Variants in ADAMTSL1 observed in about 807,000 individuals in gnomAD.
ADAMTSL1 encodes ADAMTS-like protein 1.
In ADAMTSL1, 126 loss-of-function variants were observed where a neutral mutation model predicts 201.8. That is an observed-to-expected ratio of 0.62 (90% CI 0.54 to 0.72). The LOEUF (loss-of-function observed/expected upper bound fraction) is 0.72. Among genes scored for constraint, ADAMTSL1 ranks in the 30% least tolerant of loss-of-function variants. ADAMTSL1 has a pLI of 0.00. For missense variants in ADAMTSL1, 2,679 were observed against 2,277.8 expected (o/e 1.18, Z -3.59); for synonymous variants, 1,121 against 903.4 (o/e 1.24, Z -4.32).
chr9:18,820,721 C>T (rs1298583827), intron 21 of ADAMTSL1, among the ~76,000 whole-genome samples: 1 of 152,202 alleles, frequency 6.6e-6, no homozygotes, highest in African/African-American at 2.4e-5. Flanking sequence ...ACATTCTTCC[C>T]AATCCTGAAG....
chr9:18,178,194 C>T (rs572819440), intron 2 of ADAMTSL1, among the ~76,000 whole-genome samples: 15 of 152,288 alleles, frequency 9.8e-5, no homozygotes, highest in East Asian at 7.7e-4. Context: ...CGAAGCAGGG[C>T]GAGGCATTGC....
At chr9:18,405,421 C>T (rs1417234031) in intron 2 of ADAMTSL1, among the ~76,000 whole-genome samples, 1 of 152,146 alleles carries the variant, frequency 6.6e-6, no homozygotes, top group Admixed American at 6.5e-5. Flanking sequence ...CAGCAGATGG[C>T]AGGGGCACTC....
At chr9:18,577,562 C>T (rs757726391) in intron 4 of ADAMTSL1, among the ~76,000 whole-genome samples, 69 of 152,124 alleles carry the variant, frequency 4.5e-4, no homozygotes, top group Non-Finnish European at 8.4e-4. Context: ...AGATACGCAA[C>T]GTCCCTAAGC....
intron 2 of ADAMTSL1, among the ~76,000 whole-genome samples, chr9:18,358,292 C>G (rs76682637): frequency 0.014 from 2,189 of 152,262 alleles, 46 homozygotes; most frequent in African/African-American, 0.048. Context: ...TAGTTGGAGT[C>G]AATTATTTTT....
In ADAMTSL1 at chr9:18,022,416, C is replaced by G. The variant is rs1300860347; in HGVS notation, c.87+115494C>G. 3.3e-5 allele frequency among the ~76,000 whole-genome samples: 5 copies of G among 152,250 alleles called. No individual in the cohort carries two copies. The East Asian group carries it at 9.7e-4, about 29-fold the overall frequency. ...TGGACACCCCACACTATCTTTGCCT[C>G]TTGCTGCCACAATATCCTCCCTCCT... On this transcript the variant is annotated intron_variant, in intron 1 of 29. Transcript: ENST00000680146.
At chr9:18,533,918 G>A (rs958370726) in intron 3 of ADAMTSL1, among the ~76,000 whole-genome samples, 14 of 152,154 alleles carry the variant, frequency 9.2e-5, no homozygotes, top group African/African-American at 3.1e-4. Flanking sequence ...ACAGCTTGGA[G>A]GACTGTGACT....
chr9:18,041,816 A>G (rs1821437417), intron 1 of ADAMTSL1, among the ~76,000 whole-genome samples: 1 of 152,162 alleles, frequency 6.6e-6, no homozygotes, highest in Non-Finnish European at 1.5e-5. Context: ...GGATGAAGTA[A>G]ACAAAATGAA....
chr9:18,523,264 C>T (rs529215842), intron 2 of ADAMTSL1, among the ~76,000 whole-genome samples: 2 of 152,292 alleles, frequency 1.3e-5, no homozygotes, highest in East Asian at 3.9e-4. Context: ...TGTTCATATC[C>T]TTTTCCCACT....
At chr9:18,167,376 T>G (rs1827680783) in intron 2 of ADAMTSL1, among the ~76,000 whole-genome samples, 1 of 151,896 alleles carries the variant, frequency 6.6e-6, no homozygotes, top group Non-Finnish European at 1.5e-5. Flanking sequence ...AGGGGTTGAG[T>G]GTTCCTTTGA....
At chr9:18,860,907 C>T (rs974555311) in intron 23 of ADAMTSL1, among the ~76,000 whole-genome samples, 7 of 152,208 alleles carry the variant, frequency 4.6e-5, no homozygotes, top group East Asian at 1.9e-4. Flanking sequence ...GCTCTGTCCA[C>T]GTCTGGATTT....
chr9:18,302,304 C>T (rs1365604970), intron 2 of ADAMTSL1, among the ~76,000 whole-genome samples: 1 of 152,116 alleles, frequency 6.6e-6, no homozygotes, highest in African/African-American at 2.4e-5. Flanking sequence ...CTAGAGGATA[C>T]TCTCTGTCCA....
chr9:18,558,431 C>T (rs985035672), intron 3 of ADAMTSL1, among the ~76,000 whole-genome samples: 3 of 152,134 alleles, frequency 2.0e-5, no homozygotes, highest in African/African-American at 7.2e-5. Context: ...TGGGTTGGTT[C>T]CAAGTCTCTG....
intron 5 of ADAMTSL1, among the ~76,000 whole-genome samples, chr9:18,626,924 T>C (rs1826420557): frequency 6.7e-6 from 1 of 150,122 alleles, no homozygotes; most frequent in Middle Eastern, 3.4e-3. Context: ...TTTTTTCTTT[T>C]TCTTTCTTTC....
At chr9:18,710,740 T>C (rs1397420642) in intron 14 of ADAMTSL1, among the ~76,000 whole-genome samples, 2 of 139,720 alleles carry the variant, frequency 1.4e-5, no homozygotes, top group African/African-American at 5.2e-5. Flanking sequence ...TTTGGCCACC[T>C]CAAAGTAGTT....
At chr9:18,828,666 A>ATATATATATATATATATATATATG (rs1824761396) in intron 22 of ADAMTSL1, among the ~76,000 whole-genome samples, 1 of 75,556 alleles carries the variant, frequency 1.3e-5, no homozygotes, top group East Asian at 7.0e-4. Flanking sequence ...ATATTTATAT[A>ATATATATATATATATATATATATG]TATATATATA....
chr9:18,612,351 T>G (rs370450871), intron 4 of ADAMTSL1, among the ~76,000 whole-genome samples: 1 of 152,296 alleles, frequency 6.6e-6, no homozygotes, highest in Admixed American at 6.5e-5. Flanking sequence ...TGTTATGTTT[T>G]AGCTTGAGAC....
At chr9:18,730,772 G>A (rs935141462) in intron 15 of ADAMTSL1, among the ~76,000 whole-genome samples, 8 of 152,176 alleles carry the variant, frequency 5.3e-5, no homozygotes, top group African/African-American at 1.2e-4. Context: ...GCCTAGACAC[G>A]CACAGACACA....
intron 2 of ADAMTSL1, among the ~76,000 whole-genome samples, chr9:18,508,937 C>T (rs1817849676): frequency 7.1e-6 from 1 of 141,008 alleles, no homozygotes; most frequent in South Asian, 2.2e-4. Context: ...GTAATCCCAG[C>T]ACTTTGGGAG....
At chr9:18,008,293 G>A (rs938350426) in intron 1 of ADAMTSL1, among the ~76,000 whole-genome samples, 4 of 151,936 alleles carry the variant, frequency 2.6e-5, no homozygotes, top group African/African-American at 9.7e-5. Context: ...TTTCCAATGT[G>A]TTCTCTGCTT....
Sources: gnomAD v4.1 joint callset for allele counts (sites outside exome capture counted in the v4.1 genomes callset) on GRCh38, gnomAD v4.1.1 for gene constraint, MANE v1.5 for transcripts, NCBI Gene and HGNC (gene_info 2026-07-23, HGNC 2026-07-21) for gene names.